The following MYO15A variants were observed in gnomAD, a reference collection of about 807,000 sequenced individuals.
The protein encoded by MYO15A is unconventional myosin-XV.
MYO15A carries 308 observed loss-of-function variants against 394.6 expected under a neutral mutation model. That is an observed-to-expected ratio of 0.78 (90% CI 0.71 to 0.86). MYO15A has a LOEUF of 0.86. Ranked by LOEUF, MYO15A falls within the 40% of genes least tolerant of loss-of-function variation. MYO15A has a pLI of 0.00. For missense variants in MYO15A, 4,606 were observed against 4,799.1 expected, an observed-to-expected ratio of 0.96 and a Z score of 1.19; for synonymous variants, 1,957 against 2,003.8, an observed-to-expected ratio of 0.98 and a Z score of 0.62.
At chr17:18,151,810 C>G in intron 40 of MYO15A, 36 bp from the exon 41 acceptor site, 3 of 1,532,788 alleles carry the variant, frequency 2.0e-6, no homozygotes, top group Non-Finnish European at 2.7e-6. Context: ...AAGGGAGACT[C>G]AGTGTCAACC....
chr17:18,129,894 T>C (rs2046121192), intron 7 of MYO15A, among the ~76,000 whole-genome samples: 1 of 152,182 alleles, frequency 6.6e-6, no homozygotes, highest in Middle Eastern at 3.4e-3. Flanking sequence ...TTGTTTTTGT[T>C]TTTTTTTAGA....
intron 35 of MYO15A, 22 bp downstream of exon 35, chr17:18,149,602 T>A: frequency 6.2e-7 from 1 of 1,609,988 alleles, no homozygotes; most frequent in African/African-American, 1.3e-5. Context: ...GTGGGGTGGG[T>A]CATTTGCAGA....
At chr17:18,138,014 G>T in intron 16 of MYO15A, 101 bp from the exon 17 acceptor site, 1 of 1,464,366 alleles carries the variant, frequency 6.8e-7, no homozygotes, top group Non-Finnish European at 9.2e-7. Context: ...TGCAAGCAGA[G>T]GTGCTGCTGG....
intron 16 of MYO15A, 120 bp from the exon 17 acceptor site, chr17:18,137,995 T>G (rs528921716): frequency 4.5e-6 from 6 of 1,336,228 alleles, no homozygotes; most frequent in Non-Finnish European, 6.0e-6. Flanking sequence ...CTCCCTGTTC[T>G]GGGAGGTATG....
At chr17:18,178,551 G>A (rs1006304506) in intron 65 of MYO15A, among the ~76,000 whole-genome samples, 1 of 151,896 alleles carries the variant, frequency 6.6e-6, no homozygotes, top group African/African-American at 2.4e-5. Flanking sequence ...AGAGGCACTT[G>A]GTCTCCTGCT....
intron 63 of MYO15A, 52 bp downstream of exon 63, chr17:18,171,823 G>T (rs747180785): frequency 7.6e-6 from 12 of 1,585,012 alleles, no homozygotes; most frequent in Middle Eastern, 3.7e-4. Context: ...GCTGAGGAGG[G>T]TGGTCATGGA....
rs1206117501 is a variant in MYO15A, at chr17:18,121,243, C to G, written c.2443C>G (p.Arg815Gly). Residue 815 changes from arginine (R) to glycine (G), a missense_variant, in exon 2 of 66, where the codon CGC (arginine) becomes GGC (glycine). Transcript: ENST00000647165. The surrounding 1 kb of genome is among the most constrained non-coding windows in gnomAD (Gnocchi z 5.3). ...CCAGCCGCCCTTCCTGCCCCCGGCC[C>G]GCCGGCCCCGCTCGCTGCAGGAGTC... ...PFQPPFLPPARRPRSLQESPA... is the reference protein window; with the variant it reads ...PFQPPFLPPAGRPRSLQESPA... 1 of 1,474,972 alleles carries G rather than the reference C, an allele frequency of 6.8e-7. No individual in the cohort carries two copies. The highest frequency in any genetic ancestry group is 8.9e-7 in the Non-Finnish European group (1 of 1,117,408). 91.4% of individuals were successfully genotyped at this position (1,474,972 alleles called of 1,614,324 possible). A position where few individuals can be genotyped will look rare whatever the true frequency, so the allele number is the denominator to read the frequency against.
In MYO15A at chr17:18,155,230, GAGCCC is replaced by G; in HGVS notation, c.8340+6_8340+10del. ...TCCCGCATCTTCCCCGCCACGGTGC[GAGCCC>G]CTCACTTGCCCCCTACCTGTCCAGA... On this transcript the variant is annotated splice_donor_region_variant and intron_variant, in intron 46 of 65. Transcript: ENST00000647165. 6.2e-7 allele frequency: 1 copy of G among 1,613,936 alleles called. No homozygotes were observed. The highest frequency in any genetic ancestry group is 8.5e-7 in the Non-Finnish European group (1 of 1,179,976).
At chr17:18,111,127 G>A (rs937457436) in intron 1 of MYO15A, among the ~76,000 whole-genome samples, 1 of 152,158 alleles carries the variant, frequency 6.6e-6, no homozygotes, top group Non-Finnish European at 1.5e-5. Flanking sequence ...TTGCCCGGGG[G>A]CAAGGAGTTC....
rs1368573476 is a variant in MYO15A, at chr17:18,147,027, A to G, written c.6509+920A>G. 6.6e-6 allele frequency among the ~76,000 whole-genome samples: 1 copy of G among 152,236 alleles called. No homozygotes were observed. The highest frequency in any genetic ancestry group is 2.4e-5 in the African/African-American group (1 of 41,470). ...AAGTGCTTAGAACAGAGAGGGGCAC[A>G]TGGTAGGTGCTATGTGGGTATAACC... On this transcript the variant is annotated intron_variant, in intron 30 of 65. Coordinates refer to ENST00000647165, the MANE Select transcript of MYO15A (RefSeq NM_016239.4). This position sits in a 1 kb window ranked among gnomAD's most constrained non-coding sequence, Gnocchi z 4.4.
intron 5 of MYO15A, 90 bp from the exon 6 acceptor site, chr17:18,126,701 G>C: frequency 6.8e-7 from 1 of 1,463,284 alleles, no homozygotes; most frequent in Non-Finnish European, 9.6e-7. Flanking sequence ...AGGATTGGCT[G>C]TTTGGCTGGA....
At position 18,120,780 on chromosome 17, in the gene MYO15A, C is replaced by A; in HGVS notation, c.1980C>A (p.Leu660=). 7.2e-7 allele frequency: 1 copy of A among 1,386,080 alleles called. No homozygotes were observed. Among genetic ancestry groups the A allele is most frequent in the Non-Finnish European group, 9.3e-7 (1 of 1,077,382 alleles). 85.9% of individuals were successfully genotyped at this position (1,386,080 alleles called of 1,614,324 possible). A position where few individuals can be genotyped will look rare whatever the true frequency, so the allele number is the denominator to read the frequency against. ...APRTLSHWSA[L]LSPPVPPRPP... ...GGACCCTCTCCCACTGGAGCGCGCT[C>A]CTGTCTCCGCCCGTGCCCCCGCGGC... Residue 660 remains leucine (L), a synonymous_variant, in exon 2 of 66, where the codon CTC becomes CTA. Transcript: ENST00000647165.
intron 47 of MYO15A, 108 bp downstream of exon 47, chr17:18,155,540 C>T (rs1207784058): frequency 1.9e-6 from 2 of 1,080,768 alleles, no homozygotes; most frequent in Non-Finnish European, 2.8e-6. Context: ...ATGCGCCAGG[C>T]TCTGTGCCAA....
In MYO15A at chr17:18,125,210, A is replaced by C. The variant is rs745701134; in HGVS notation, c.3735A>C (p.Arg1245Ser). ...CTGTGCTGTCCAACCTCAAGATTAG[A>C]TTTGAACGGAACCTCATCTACGTAA... ...ETTVLSNLKI[R>S]FERNLIYTYI... Residue 1245 changes from arginine (R) to serine (S), a missense_variant, in exon 4 of 66, where the codon AGA (arginine) becomes AGC (serine). Arg to Ser is a moderately radical substitution (Grantham distance 110, BLOSUM62 -1). Coordinates refer to ENST00000647165, the MANE Select transcript of MYO15A (RefSeq NM_016239.4). 1.2e-6 allele frequency: 2 copies of C among 1,614,022 alleles called. No homozygotes were observed. Among genetic ancestry groups the C allele is most frequent in the African/African-American group, 2.7e-5 (2 of 74,924 alleles).
intron 13 of MYO15A, 68 bp downstream of exon 13, chr17:18,135,892 C>G: frequency 6.9e-7 from 1 of 1,447,892 alleles, no homozygotes; most frequent in Non-Finnish European, 9.5e-7. Context: ...CTGCTTGTGC[C>G]GATCCTTTGT....
Position 18,119,346 on chromosome 17 carries a change from G to T in MYO15A, c.546G>T (p.Arg182=), listed in dbSNP as rs562885584. The part of the protein sequence containing the change: ...LPFPSGAEIL[R]PGGRLRRFPR... ...TCCCGTCGGGTGCCGAGATCCTGCGGCCTGGGGGCCGGCTCCGGAGGTTCC... is the reference window on the plus strand; with the variant it reads ...TCCCGTCGGGTGCCGAGATCCTGCGTCCTGGGGGCCGGCTCCGGAGGTTCC... The change falls in exon 2 of 66, where the codon CGG becomes CGT. Residue 182 remains arginine, a synonymous_variant. Coordinates refer to ENST00000647165, the MANE Select transcript of MYO15A (RefSeq NM_016239.4). 1 of 1,609,242 alleles carries T rather than the reference G, an allele frequency of 6.2e-7. No individual in the cohort carries two copies.
Position 18,141,680 on chromosome 17 carries a change from T to C in MYO15A, c.5559T>C (p.His1853=). The change falls in exon 23 of 66, where the codon CAT becomes CAC. Residue 1853 remains histidine (H), a synonymous_variant. Transcript: ENST00000647165. ...ACTGCTGTCTAGTGGCCCTCAAGCATGACCTGCCGGCTAATGGGGACATGT... is the reference window on the plus strand; with the variant it reads ...ACTGCTGTCTAGTGGCCCTCAAGCACGACCTGCCGGCTAATGGGGACATGT... ...DRYCCLVALK[H]DLPANGDMCV... 6.2e-7 allele frequency: 1 copy of C among 1,614,092 alleles called. No individual in the cohort carries two copies. Among genetic ancestry groups the C allele is most frequent in the Non-Finnish European group, 8.5e-7 (1 of 1,179,996 alleles).
chr17:18,171,539 G>T, intron 62 of MYO15A, 99 bp from the exon 63 acceptor site: 1 of 1,559,246 alleles, frequency 6.4e-7, no homozygotes, highest in Non-Finnish European at 8.8e-7. Context: ...TTCCAGGGAG[G>T]TGCATAGATC....
At position 18,148,502 on chromosome 17, in the gene MYO15A, A is replaced by G. The variant is rs1460390757; in HGVS notation, c.6698A>G (p.Gln2233Arg). 26 of 1,552,372 alleles carry G rather than the reference A, an allele frequency of 1.7e-5. No individual in the cohort carries two copies. The highest frequency in any genetic ancestry group is 2.2e-5 in the Non-Finnish European group (25 of 1,147,410). ...ALDVGCFNGD[Q>R]FSCPVHSWST... The stretch of plus-strand genomic sequence containing the variant: ...GGCACCTGCTGCGCCCCAGGTGACC[A>G]GTTCTCCTGCCCGGTGCACTCCTGG... The change falls in exon 32 of 66, where the codon CAG becomes CGG. Residue 2233 changes from glutamine (Q) to arginine (R), a missense_variant. By Grantham distance (43) the Gln-to-Arg change is conservative. Transcript: ENST00000647165. This position sits in a 1 kb window ranked among gnomAD's most constrained non-coding sequence, Gnocchi z 4.8.
Sources: gnomAD v4.1 joint callset for allele counts (sites outside exome capture counted in the v4.1 genomes callset) on GRCh38, gnomAD v4.1.1 for gene constraint, Gnocchi (gnomAD v3.1) non-coding constraint, MANE v1.5 for transcripts, NCBI Gene and HGNC (gene_info 2026-07-23, HGNC 2026-07-21) for gene names.